The following RGS7 variants were observed in gnomAD, a reference collection of about 807,000 sequenced individuals.
RGS7 encodes regulator of G protein signaling 7.
RGS7 carries 27 observed loss-of-function variants against 81.1 expected under a neutral mutation model. The observed-to-expected ratio is 0.33, with a 90% CI of 0.25 to 0.46. The LOEUF is 0.46. Ranked by LOEUF, RGS7 falls within the 20% of genes least tolerant of loss-of-function variation. The pLI, the probability that RGS7 is intolerant of heterozygous loss-of-function variation, is 1.00. For synonymous variants in RGS7, 208 were observed against 207.7 expected (o/e 1.00, Z -0.01); for missense variants, 396 against 607.4 (o/e 0.65, Z 3.66).
chr1:240,785,663 T>C (rs114382753), intron 18 of RGS7, among the ~76,000 whole-genome samples: 2,138 of 152,122 alleles, frequency 0.014, 50 homozygotes, highest in African/African-American at 0.049. Context: ...AGGAGAGACA[T>C]GGTGGAGAGA....
At position 240,866,844 on chromosome 1, in the gene RGS7, C is replaced by T. The variant is rs989997620; in HGVS notation, c.609+1743G>A. ...TGAGAGTCTCAGAGCATGAAATAGA[C>T]GTGGGCAGTGCAGGGGAGCTGGCAT... is the stretch of plus-strand genomic sequence containing the variant. On this transcript the variant is annotated intron_variant, in intron 9 of 18. Transcript: ENST00000440928. Among the ~76,000 whole-genome samples, 12 of 152,116 alleles carry T rather than the reference C, an allele frequency of 7.9e-5. No homozygotes were observed. In the Middle Eastern group the frequency reaches 0.01, roughly 129 times the overall value.
intron 3 of RGS7, among the ~76,000 whole-genome samples, chr1:241,018,641 A>C (rs1353250548): frequency 6.6e-6 from 1 of 151,956 alleles, no homozygotes; most frequent in Non-Finnish European, 1.5e-5. Context: ...GTGTGACGGT[A>C]AGGTGGAGCG....
intron 2 of RGS7, among the ~76,000 whole-genome samples, chr1:241,338,754 A>T (rs989051226): frequency 2.0e-5 from 3 of 150,246 alleles, no homozygotes; most frequent in Non-Finnish European, 4.4e-5. Context: ...TATTAAATAT[A>T]TATATGTATA....
intron 1 of RGS7, among the ~76,000 whole-genome samples, chr1:241,356,126 C>A (rs1042449931): frequency 9.9e-5 from 15 of 151,474 alleles, no homozygotes; most frequent in African/African-American, 3.4e-4. Context: ...TCGTGGGTAG[C>A]ATTTTCCTAG....
chr1:240,912,637 C>G (rs79066874), intron 6 of RGS7, among the ~76,000 whole-genome samples: 4,294 of 152,180 alleles, frequency 0.028, 79 homozygotes, highest in Non-Finnish European at 0.044. Flanking sequence ...GCTTCTTTTG[C>G]TGAGTTCAAA....
intron 6 of RGS7, among the ~76,000 whole-genome samples, chr1:240,878,979 A>G (rs1421284499): frequency 6.6e-6 from 1 of 152,158 alleles, no homozygotes; most frequent in African/African-American, 2.4e-5. Flanking sequence ...CTCTAAGCAT[A>G]TATTCCTAGA....
chr1:240,819,517 T>TCTCCTG (rs1392483551), intron 10 of RGS7, among the ~76,000 whole-genome samples: 1 of 152,212 alleles, frequency 6.6e-6, no homozygotes, highest in Admixed American at 6.5e-5. Context: ...GAGGCAGGCA[T>TCTCCTG]ATCATGAGAT....
chr1:241,343,431 T>C (rs1389341733), intron 2 of RGS7, among the ~76,000 whole-genome samples: 2 of 152,152 alleles, frequency 1.3e-5, no homozygotes, highest in African/African-American at 4.8e-5. Flanking sequence ...AACTGCCCAT[T>C]GTTAAATGAA....
chr1:240,775,825 C>T lies in RGS7; in HGVS notation c.*395G>A. The stretch of plus-strand genomic sequence containing the variant: ...TACAGTTCTTCCAGTTTTTGACTGA[C>T]TGAATTTTCAGTGAACTGTGTGTCT... On this transcript the variant is annotated 3_prime_UTR_variant, in exon 19 of 19. Coordinates refer to ENST00000440928, the MANE Select transcript of RGS7 (RefSeq NM_001364886.1). The T allele has an allele frequency of 7.6e-6, 2 of 263,960 alleles. No homozygotes were observed. The highest frequency in any genetic ancestry group is 7.4e-6 in the Non-Finnish European group (1 of 134,978). The allele number at this position is 263,960 out of a possible 1,614,324, so 16.4% of individuals were successfully genotyped here. A position where few individuals can be genotyped will look rare whatever the true frequency, so the allele number is the denominator to read the frequency against.
chr1:241,095,537 C>T (rs1206900770), intron 3 of RGS7, among the ~76,000 whole-genome samples: 1 of 152,092 alleles, frequency 6.6e-6, no homozygotes, highest in Non-Finnish European at 1.5e-5. Flanking sequence ...TGCCTGTGGT[C>T]CCAGCTACTT....
At chr1:240,967,899 C>A (rs1182529348) in intron 4 of RGS7, among the ~76,000 whole-genome samples, 1 of 152,060 alleles carries the variant, frequency 6.6e-6, no homozygotes, top group Non-Finnish European at 1.5e-5. Context: ...TTTAAAGAAT[C>A]CAAAATGTTT....
intron 2 of RGS7, among the ~76,000 whole-genome samples, chr1:241,165,589 A>T (rs1572956860): frequency 1.4e-5 from 2 of 138,614 alleles, no homozygotes; most frequent in Non-Finnish European, 3.1e-5. Flanking sequence ...ATGAGAACAC[A>T]TGGACACAGG....
intron 3 of RGS7, among the ~76,000 whole-genome samples, chr1:241,000,958 GTT>G (rs1163631123): frequency 6.6e-6 from 1 of 151,628 alleles, no homozygotes; most frequent in Non-Finnish European, 1.5e-5. Context: ...TGCCTGACTA[GTT>G]CCTCATTTTC....
rs147558917 is a variant in RGS7, at chr1:241,325,559, T to C, written c.78+30140A>G. On this transcript the variant is annotated intron_variant, in intron 2 of 18. Coordinates refer to ENST00000440928, the MANE Select transcript of RGS7 (RefSeq NM_001364886.1). ...GCACACACTTAAACCTGCTTTCAAA[T>C]AAATCTCTACTGACTTTCACTAGGA... 4.7e-3 allele frequency among the ~76,000 whole-genome samples: 710 copies of C among 152,312 alleles called. 5 individuals carry two copies. The highest frequency in any genetic ancestry group is 0.016 in the African/African-American group (655 of 41,558).
chr1:240,857,821 G>A (rs1049696180), intron 9 of RGS7, among the ~76,000 whole-genome samples: 2 of 152,104 alleles, frequency 1.3e-5, no homozygotes, highest in Admixed American at 1.3e-4. Context: ...GAGGGACCTG[G>A]TGGGAGGTAA....
chr1:240,871,283 T>C (rs1664445913), intron 6 of RGS7, among the ~76,000 whole-genome samples: 1 of 152,236 alleles, frequency 6.6e-6, no homozygotes, highest in South Asian at 2.1e-4. Flanking sequence ...TAAGTCTACC[T>C]CTGTGAGTTT....
At chr1:241,068,903 T>C (rs905647524) in intron 3 of RGS7, among the ~76,000 whole-genome samples, 1 of 152,140 alleles carries the variant, frequency 6.6e-6, no homozygotes, top group African/African-American at 2.4e-5. Context: ...GGTACTGTTG[T>C]TGCAATAGGA....
intron 10 of RGS7, among the ~76,000 whole-genome samples, chr1:240,825,600 A>G (rs916933209): frequency 1.3e-5 from 2 of 152,220 alleles, no homozygotes; most frequent in Non-Finnish European, 2.9e-5. Context: ...CTGATTCACA[A>G]GAAATTAGAT....
At chr1:241,122,091 T>G (rs2102999757) in intron 2 of RGS7, among the ~76,000 whole-genome samples, 1 of 152,334 alleles carries the variant, frequency 6.6e-6, no homozygotes, top group African/African-American at 2.4e-5. Context: ...ATTGCTTTTG[T>G]TATGCAAATG....
Sources: allele counts gnomAD v4.1 joint callset (sites outside exome capture counted in the v4.1 genomes callset), GRCh38; gene constraint gnomAD v4.1.1; transcripts MANE v1.5; gene names NCBI Gene and HGNC (gene_info 2026-07-23, HGNC 2026-07-21).